Variants in AKAP13 observed in about 807,000 individuals in gnomAD.
The protein encoded by AKAP13 is A-kinase anchor protein 13.
A neutral mutation model predicts 264.5 loss-of-function variants in AKAP13; 80 were observed. The observed-to-expected ratio is 0.30, with a 90% CI of 0.25 to 0.36. AKAP13 has a LOEUF of 0.36. Ranked by LOEUF, AKAP13 falls within the 10% of genes least tolerant of loss-of-function variation. The probability of loss-of-function intolerance (pLI) is 1.00; values close to 1 mark genes in which losing one functional copy is unlikely to be tolerated. For synonymous variants in AKAP13, 1,380 were observed against 1,250.2 expected (o/e 1.10, Z -2.19); for missense variants, 3,712 against 3,435.2 (o/e 1.08, Z -2.01).
rs568567957 is a variant in AKAP13 at position 85,615,338 on chromosome 15, G to A, written c.4162-24036G>A. On this transcript the variant is annotated intron_variant, in intron 8 of 36. Coordinates refer to ENST00000394518, the MANE Select transcript of AKAP13 (RefSeq NM_007200.5). ...TTCTCCTTTACCCTTTTACTGTCTT[G>A]TAATCTTCAAATCTGTATGTTAGTG... 7.2e-5 allele frequency among the ~76,000 whole-genome samples: 11 copies of A among 152,264 alleles called. 1 individual carries two copies. In the South Asian group the frequency reaches 2.3e-3, roughly 32 times the overall value.
At chr15:85,464,398 A>G (rs8039049) in intron 1 of AKAP13, among the ~76,000 whole-genome samples, 82,140 of 152,038 alleles carry the variant, frequency 0.54, 22,922 homozygotes, top group Admixed American at 0.64. Context: ...TTTGAGCCCT[A>G]TTGTCCATTT....
intron 1 of AKAP13, among the ~76,000 whole-genome samples, chr15:85,416,793 T>C (rs2072261555): frequency 6.6e-6 from 1 of 152,194 alleles, no homozygotes. Flanking sequence ...AGCAAGGCCA[T>C]AGTTTCCCTA....
chr15:85,636,212 C>A (rs2082065255), intron 8 of AKAP13, among the ~76,000 whole-genome samples: 1 of 152,066 alleles, frequency 6.6e-6, no homozygotes, highest in Non-Finnish European at 1.5e-5. Flanking sequence ...ATTTCAATTT[C>A]TAATTGCTCA....
chr15:85,736,912 CTTTT>C (rs11407996), intron 33 of AKAP13, among the ~76,000 whole-genome samples: 3 of 98,044 alleles, frequency 3.1e-5, no homozygotes, highest in African/African-American at 1.2e-4. Context: ...ATATCATCAT[CTTTT>C]TTTTTTTTTT....
chr15:85,576,839 A>G (rs2079031505), intron 6 of AKAP13, among the ~76,000 whole-genome samples: 1 of 152,200 alleles, frequency 6.6e-6, no homozygotes, highest in Non-Finnish European at 1.5e-5. Flanking sequence ...TCACTTGAAA[A>G]TATAGTTTTG....
At chr15:85,694,836 C>T (rs1323666076) in intron 17 of AKAP13, among the ~76,000 whole-genome samples, 1 of 152,158 alleles carries the variant, frequency 6.6e-6, no homozygotes, top group Non-Finnish European at 1.5e-5. Flanking sequence ...GTTATAGTGA[C>T]GAATTCAGAT....
rs553946028 is a variant in AKAP13, at chr15:85,578,882, T to C, written c.862-48T>C. The C allele has an allele frequency of 1.9e-6, 3 of 1,566,764 alleles. No individual in the cohort carries two copies. In the African/African-American group the frequency reaches 4.1e-5, roughly 21 times the overall value. ...TTTTTGCTCAGAGGTGTCAGTGACA[T>C]CTTCTCCTACAGGCAGTTTTTTAAA... On this transcript the variant is annotated intron_variant, in intron 6 of 36. Transcript: ENST00000394518.
chr15:85,455,935 T>A lies in AKAP13; in HGVS notation c.-11-29775T>A, dbSNP rs144632859. On this transcript the variant is annotated intron_variant, in intron 1 of 36. Transcript: ENST00000394518. ...GGACTAACTCCTTTAAGTCAGATAG[T>A]GTGACTTATTTATTCTATGTTATGT... 1.9e-4 allele frequency among the ~76,000 whole-genome samples: 29 copies of A among 152,356 alleles called. No individual in the cohort carries two copies. The East Asian group carries it at 3.9e-3, about 20-fold the overall frequency.
chr15:85,723,004 A>G, intron 25 of AKAP13, 68 bp from the exon 26 acceptor site: 1 of 1,563,156 alleles, frequency 6.4e-7, no homozygotes, highest in Non-Finnish European at 8.7e-7. Flanking sequence ...GTGAGAAGTC[A>G]GGATTCCCTT....
At chr15:85,700,289 T>C (rs17637276) in intron 17 of AKAP13, among the ~76,000 whole-genome samples, 28,041 of 152,180 alleles carry the variant, frequency 0.18, 3,400 homozygotes, top group Middle Eastern at 0.4. Context: ...CATTTTTGCT[T>C]TCTTGATATG....
At chr15:85,494,120 C>CT (rs1465003216) in intron 2 of AKAP13, among the ~76,000 whole-genome samples, 1 of 152,112 alleles carries the variant, frequency 6.6e-6, no homozygotes, top group Non-Finnish European at 1.5e-5. Flanking sequence ...TCTTATATGC[C>CT]CAATTCCTCT....
At chr15:85,735,782 A>G (rs149234870) in intron 32 of AKAP13, 152 bp downstream of exon 32, 5 of 885,978 alleles carry the variant, frequency 5.6e-6, no homozygotes, top group Non-Finnish European at 8.5e-6. Context: ...TTTAAAACAA[A>G]TAGTACAGTT....
At chr15:85,475,310 A>G (rs1233654286) in intron 1 of AKAP13, among the ~76,000 whole-genome samples, 1 of 152,028 alleles carries the variant, frequency 6.6e-6, no homozygotes, top group Non-Finnish European at 1.5e-5. Context: ...CTGTGTCTGG[A>G]CCTCCTGGCA....
chr15:85,610,718 G>C lies in AKAP13; in HGVS notation c.4161+24895G>C, dbSNP rs537718590. On this transcript the variant is annotated intron_variant, in intron 8 of 36. Transcript: ENST00000394518. ...GGGCCGGGCGTGGTGGCTCAGGCCTGTAATCCCAGCACTTCGGGAGGCCGA... is the reference window on the plus strand; with the variant it reads ...GGGCCGGGCGTGGTGGCTCAGGCCTCTAATCCCAGCACTTCGGGAGGCCGA... Among the ~76,000 whole-genome samples the C allele has an allele frequency of 2.6e-5, 4 of 152,378 alleles. No individual in the cohort carries two copies. The South Asian group carries it at 8.3e-4, about 32-fold the overall frequency.
At chr15:85,563,800 A>G (rs906932363) in intron 5 of AKAP13, among the ~76,000 whole-genome samples, 1 of 152,170 alleles carries the variant, frequency 6.6e-6, no homozygotes, top group Non-Finnish European at 1.5e-5. Context: ...TTTATTTACT[A>G]TCCTCATTAA....
rs1382397586 is a variant in AKAP13 at position 85,708,872 on chromosome 15, G to A, written c.5532+786G>A. ...CTGGAATGTGCATCAGAATCAACTC[G>A]AGGGCTTATTGAAAGACAACTTACT... On this transcript the variant is annotated intron_variant, in intron 18 of 36. Coordinates refer to ENST00000394518, the MANE Select transcript of AKAP13 (RefSeq NM_007200.5). This position sits in a 1 kb window ranked among gnomAD's most constrained non-coding sequence, Gnocchi z 4.3. 1.3e-5 allele frequency among the ~76,000 whole-genome samples: 2 copies of A among 152,238 alleles called. No homozygotes were observed. The highest frequency in any genetic ancestry group is 2.9e-5 in the Non-Finnish European group (2 of 68,014).
At chr15:85,537,854 T>C (rs2077452586) in intron 4 of AKAP13, among the ~76,000 whole-genome samples, 1 of 152,242 alleles carries the variant, frequency 6.6e-6, no homozygotes, top group African/African-American at 2.4e-5. Context: ...CATTGATGTT[T>C]TACTTGTTAC....
At position 85,621,913 on chromosome 15, in the gene AKAP13, T is replaced by C. The variant is rs141893876; in HGVS notation, c.4162-17461T>C. On this transcript the variant is annotated intron_variant, in intron 8 of 36. Transcript: ENST00000394518. ...TATTTGTACTATCCTGCCCAATAAA[T>C]AATAAAAGATTTTCAGTGGAGAAAA... Among the ~76,000 whole-genome samples, 914 of 152,272 alleles carry C rather than the reference T, an allele frequency of 6.0e-3. 4 individuals are homozygous for C. The highest frequency in any genetic ancestry group is 0.011 in the Non-Finnish European group (738 of 68,008).
At chr15:85,471,606 A>G (rs1161497446) in intron 1 of AKAP13, among the ~76,000 whole-genome samples, 1 of 152,246 alleles carries the variant, frequency 6.6e-6, no homozygotes, top group Non-Finnish European at 1.5e-5. Flanking sequence ...ATAACTGCGT[A>G]CGTAACCACC....
Sources: allele counts gnomAD v4.1 joint callset (sites outside exome capture counted in the v4.1 genomes callset), GRCh38; gene constraint gnomAD v4.1.1; non-coding constraint Gnocchi (gnomAD v3.1); transcripts MANE v1.5; gene names NCBI Gene and HGNC (gene_info 2026-07-23, HGNC 2026-07-21).